Variants in ADAMTS2 observed in about 807,000 individuals in gnomAD.
ADAMTS2 encodes A disintegrin and metalloproteinase with thrombospondin motifs 2.
A neutral mutation model predicts 123.0 loss-of-function variants in ADAMTS2; 50 were observed. That is an observed-to-expected ratio of 0.41 (90% CI 0.32 to 0.51). ADAMTS2 has a LOEUF of 0.51. Ranked by LOEUF, ADAMTS2 falls within the 20% of genes least tolerant of loss-of-function variation. ADAMTS2 has a pLI of 0.35. For synonymous variants in ADAMTS2, 678 were observed against 695.4 expected, an observed-to-expected ratio of 0.98 and a Z score of 0.39; for missense variants, 1,494 against 1,705.2, an observed-to-expected ratio of 0.88 and a Z score of 2.18.
chr5:179,238,004 G>A (rs575513543), intron 3 of ADAMTS2, among the ~76,000 whole-genome samples: 13 of 152,256 alleles, frequency 8.5e-5, no homozygotes, highest in African/African-American at 2.2e-4. Flanking sequence ...CCCCTGCCCC[G>A]CCCCACGGAG....
At chr5:179,299,530 A>ACACACACACACAC (rs1756449344) in intron 2 of ADAMTS2, among the ~76,000 whole-genome samples, 2 of 120,440 alleles carry the variant, frequency 1.7e-5, no homozygotes, top group Non-Finnish European at 3.4e-5. Flanking sequence ...CTCCAACTCA[A>ACACACACACACAC]ACACACACAC....
In ADAMTS2 at chr5:179,272,932, C is replaced by A. The variant is rs756085912; in HGVS notation, c.667G>T (p.Gly223Trp). Residue 223 changes from glycine to tryptophan, a missense_variant, in exon 3 of 22, where the codon GGG (glycine) becomes TGG (tryptophan). Physicochemically the swap from Gly to Trp is radical, Grantham distance 184. This residue lies in a region of ADAMTS2 where 184 missense variants were observed against 152.1 expected (regional missense o/e 1.21). Coordinates refer to ENST00000251582, the MANE Select transcript of ADAMTS2 (RefSeq NM_014244.5). The surrounding 1 kb of genome is among the most constrained non-coding windows in gnomAD (Gnocchi z 5.8). ...TCACCTGTGTCCAGGGCCTGTGGCC[C>A]CCCGAGAGGAGGGGACGTGGGTGGC... ...RRPPTSPPLG[G>W]PQALDTGASL... is the part of the protein sequence containing the mutation. The A allele has an allele frequency of 1.1e-5, 18 of 1,610,540 alleles. No individual in the cohort carries two copies. Among genetic ancestry groups the A allele is most frequent in the Non-Finnish European group, 1.5e-5 (18 of 1,179,990 alleles).
chr5:179,333,126 G>A (rs1000144061), intron 2 of ADAMTS2, among the ~76,000 whole-genome samples: 8 of 152,334 alleles, frequency 5.3e-5, no homozygotes, highest in South Asian at 2.1e-4. Flanking sequence ...CGACACCGCT[G>A]TGGCAGCTTC....
Position 179,154,109 on chromosome 5 carries a change from G to A in ADAMTS2, c.1322C>T (p.Ala441Val). 6.3e-7 allele frequency: 1 copy of A among 1,599,812 alleles called. No homozygotes were observed. ...LGSIMAPLVQ[A>V]AFHRFHWSRC... Reference sequence around the variant, plus strand: ...GGACCAGTGGAAGCGGTGGAAGGCGGCCTGCACCAGGGGCGCCATGATGCT... The same window carrying A: ...GGACCAGTGGAAGCGGTGGAAGGCGACCTGCACCAGGGGCGCCATGATGCT... The change falls in exon 8 of 22, where the codon GCC becomes GTC. Residue 441 changes from alanine (A) to valine (V), a missense_variant. This residue lies in a region of ADAMTS2 where 953 missense variants were observed against 1,124.7 expected (regional missense o/e 0.85). Transcript: ENST00000251582.
intron 3 of ADAMTS2, among the ~76,000 whole-genome samples, chr5:179,261,487 C>T (rs115045337): frequency 0.029 from 4,454 of 152,256 alleles, 95 homozygotes; most frequent in Middle Eastern, 0.082. Flanking sequence ...GGCCAGGGCT[C>T]GAGCGCGTCT....
chr5:179,156,508 C>T (rs1334739357), intron 6 of ADAMTS2, among the ~76,000 whole-genome samples: 4 of 151,648 alleles, frequency 2.6e-5, no homozygotes, highest in Non-Finnish European at 2.9e-5. Context: ...TACAGGCACC[C>T]GCCACCATGC....
Position 179,152,137 on chromosome 5 carries a change from C to T in ADAMTS2, c.1629+5G>A. On this transcript the variant is annotated splice_donor_5th_base_variant and intron_variant, in intron 10 of 21. Coordinates refer to ENST00000251582, the MANE Select transcript of ADAMTS2 (RefSeq NM_014244.5). The stretch of plus-strand genomic sequence containing the variant: ...GCCCTCCAAGAGCCCTTGATGCTGC[C>T]TCACCTTGCCAGGTGCACACATAGT... 1.9e-6 allele frequency: 3 copies of T among 1,612,222 alleles called. No individual in the cohort carries two copies. Among genetic ancestry groups the T allele is most frequent in the Non-Finnish European group, 2.5e-6 (3 of 1,178,314 alleles).
chr5:179,283,533 T>A, intron 2 of ADAMTS2, among the ~76,000 whole-genome samples: 1 of 36,350 alleles, frequency 2.8e-5, no homozygotes, highest in Non-Finnish European at 5.4e-5. Context: ...GAAAATATGG[T>A]AGACTAGAAA....
chr5:179,221,741 T>C (rs1200563285), intron 3 of ADAMTS2, among the ~76,000 whole-genome samples: 3 of 151,698 alleles, frequency 2.0e-5, no homozygotes, highest in African/African-American at 7.3e-5. Flanking sequence ...GGTGATGCAA[T>C]GCTCACCACG....
In ADAMTS2 at chr5:179,314,765, C is replaced by G. The variant is rs1005485718; in HGVS notation, c.534+29002G>C. Among the ~76,000 whole-genome samples the G allele has an allele frequency of 1.1e-4, 16 of 152,154 alleles. No individual in the cohort carries two copies. Among genetic ancestry groups the G allele is most frequent in the Admixed American group, 8.5e-4 (13 of 15,282 alleles). On this transcript the variant is annotated intron_variant, in intron 2 of 21. Coordinates refer to ENST00000251582, the MANE Select transcript of ADAMTS2 (RefSeq NM_014244.5). The surrounding 1 kb of genome is among the most constrained non-coding windows in gnomAD (Gnocchi z 4.5). ...GTGGGGCTCCTGTCCCCCGCCAGTG[C>G]CCCCAACCTCTACTCCAGCAGACCT...
chr5:179,258,265 A>G (rs6601024), intron 3 of ADAMTS2, among the ~76,000 whole-genome samples: 54,824 of 144,752 alleles, frequency 0.38, 10,880 homozygotes, highest in Non-Finnish European at 0.42. Flanking sequence ...TGACCCCCCC[A>G]GACCGCCCCC....
At chr5:179,329,304 G>A (rs573915867) in intron 2 of ADAMTS2, among the ~76,000 whole-genome samples, 71 of 147,156 alleles carry the variant, frequency 4.8e-4, no homozygotes, top group African/African-American at 1.7e-3. Flanking sequence ...TCCAGCCTGG[G>A]CAACAGAGTG....
At chr5:179,220,583 G>A (rs1016194991) in intron 3 of ADAMTS2, among the ~76,000 whole-genome samples, 4 of 152,122 alleles carry the variant, frequency 2.6e-5, no homozygotes, top group African/African-American at 9.7e-5. Context: ...TCCATGCCAG[G>A]AGCAGAACCT....
At chr5:179,224,841 A>G (rs1001820247) in intron 3 of ADAMTS2, among the ~76,000 whole-genome samples, 1 of 147,754 alleles carries the variant, frequency 6.8e-6, no homozygotes, top group African/African-American at 2.7e-5. Context: ...CGCCCAGACC[A>G]AAGCTGTGTC....
rs1762614743 is a variant in ADAMTS2 at position 179,113,900 on chromosome 5, C to A, written c.3603G>T (p.Glu1201Asp). 1 of 1,614,204 alleles carries A rather than the reference C, an allele frequency of 6.2e-7. No individual in the cohort carries two copies. Among genetic ancestry groups the A allele is most frequent in the Non-Finnish European group, 8.5e-7 (1 of 1,180,040 alleles). Residue 1201 changes from glutamate (E) to aspartate (D), a missense_variant, in exon 22 of 22, where the codon GAG (glutamate) becomes GAT (aspartate). This residue lies in a region of ADAMTS2 where 953 missense variants were observed against 1,124.7 expected (regional missense o/e 0.85). Coordinates refer to ENST00000251582, the MANE Select transcript of ADAMTS2 (RefSeq NM_014244.5). ...RNQRIQELID[E>D]MRKKEMLGKF ...TTCCGAGCATCTCTTTCTTCCGCAT[C>A]TCATCAATGAGCTCTTGGATTCTTT...
At chr5:179,179,912 G>A (rs567229508) in intron 5 of ADAMTS2, among the ~76,000 whole-genome samples, 7 of 152,272 alleles carry the variant, frequency 4.6e-5, no homozygotes, top group Non-Finnish European at 8.8e-5. Context: ...ATTATCTGAT[G>A]TATTTGATCC....
chr5:179,132,030 C>T lies in ADAMTS2; in HGVS notation c.2290+200G>A, dbSNP rs1219568876. 2.6e-5 allele frequency among the ~76,000 whole-genome samples: 4 copies of T among 152,210 alleles called. No individual in the cohort carries two copies. Among genetic ancestry groups the T allele is most frequent in the Non-Finnish European group, 5.9e-5 (4 of 68,028 alleles). ...CCAAGCGGAGCCCTCTGATCCCAAACCCTGGCCTCTCCACAAGGGGAGGAC... is the reference window on the plus strand; with the variant it reads ...CCAAGCGGAGCCCTCTGATCCCAAATCCTGGCCTCTCCACAAGGGGAGGAC... On this transcript the variant is annotated intron_variant, in intron 15 of 21. Coordinates refer to ENST00000251582, the MANE Select transcript of ADAMTS2 (RefSeq NM_014244.5). This position sits in a 1 kb window ranked among gnomAD's most constrained non-coding sequence, Gnocchi z 6.1.
rs1359294859 is a variant in ADAMTS2, at chr5:179,317,245, T to C, written c.534+26522A>G. 6.6e-6 allele frequency among the ~76,000 whole-genome samples: 1 copy of C among 152,220 alleles called. No homozygotes were observed. Among genetic ancestry groups the C allele is most frequent in the Non-Finnish European group, 1.5e-5 (1 of 68,036 alleles). ...TTTCCTCCCAGTGGTTTCTTGGTAGTTCCTCATAAATCCATGCGTAGGTCT... is the reference window on the plus strand; with the variant it reads ...TTTCCTCCCAGTGGTTTCTTGGTAGCTCCTCATAAATCCATGCGTAGGTCT... On this transcript the variant is annotated intron_variant, in intron 2 of 21. Transcript: ENST00000251582. This position sits in a 1 kb window ranked among gnomAD's most constrained non-coding sequence, Gnocchi z 4.9.
chr5:179,199,160 C>T (rs926478875), intron 4 of ADAMTS2, among the ~76,000 whole-genome samples: 21 of 152,346 alleles, frequency 1.4e-4, no homozygotes, highest in East Asian at 5.8e-4. Flanking sequence ...CAGAAGGCCC[C>T]GACCTTGGGG....
Sources: allele counts gnomAD v4.1 joint callset (sites outside exome capture counted in the v4.1 genomes callset), GRCh38; gene constraint gnomAD v4.1.1; regional missense constraint gnomAD v4.1.1; non-coding constraint Gnocchi (gnomAD v3.1); transcripts MANE v1.5; gene names NCBI Gene and HGNC (gene_info 2026-07-23, HGNC 2026-07-21).